USP50: variants seen among roughly 807,000 people sequenced by gnomAD.
USP50 encodes ubiquitin specific peptidase 50.
USP50 carries 37 observed loss-of-function variants against 39.2 expected under a neutral mutation model. That is an observed-to-expected ratio of 0.94 (90% confidence interval 0.73 to 1.24). USP50 has a LOEUF of 1.24. Among genes scored for constraint, USP50 ranks in the 50% most tolerant of loss-of-function variants. The pLI is 0.00. For missense variants in USP50, 374 were observed against 398.2 expected, an observed-to-expected ratio of 0.94 and a Z score of 0.52; for synonymous variants, 139 against 144.5, an observed-to-expected ratio of 0.96 and a Z score of 0.27.
At chr15:50,530,411 G>A (rs887268281) in intron 5 of USP50, among the ~76,000 whole-genome samples, 8 of 151,878 alleles carry the variant, frequency 5.3e-5, no homozygotes, top group East Asian at 3.9e-4. Flanking sequence ...GTGAAACCTC[G>A]TCTCTACTAA....
chr15:50,515,236 T>TTTG (rs1175969992), intron 6 of USP50, among the ~76,000 whole-genome samples: 5 of 151,552 alleles, frequency 3.3e-5, no homozygotes, highest in African/African-American at 7.3e-5. Context: ...AGGCTTGTGT[T>TTTG]TTGTTGTTGT....
At chr15:50,493,629 C>T, downstream of USP50, 1 of 396,108 alleles carries the variant, frequency 2.5e-6, no homozygotes, top group South Asian at 1.9e-5. Flanking sequence ...CCTATAGTCC[C>T]TGCTACTTGG....
intron 6 of USP50, among the ~76,000 whole-genome samples, chr15:50,527,046 A>G (rs1009014545): frequency 6.6e-6 from 1 of 152,212 alleles, no homozygotes; most frequent in African/African-American, 2.4e-5. Flanking sequence ...GGGCTCATGC[A>G]AAGGCTGGAT....
chr15:50,496,055 C>G (rs907522267), downstream of USP50: 1 of 1,613,006 alleles, frequency 6.2e-7, no homozygotes, highest in South Asian at 1.1e-5. Flanking sequence ...GTCTCTACCA[C>G]TAGCATCCAC....
At chr15:50,512,637 T>C (rs1187104522) in intron 6 of USP50, 1 of 151,648 alleles carries the variant, frequency 6.6e-6, no homozygotes, top group East Asian at 1.9e-4. Flanking sequence ...TAAAAATATT[T>C]TTAAAAATTA....
chr15:50,532,238 G>A, intron 5 of USP50: 1 of 456,254 alleles, frequency 2.2e-6, no homozygotes. Context: ...CTGGCAAGAA[G>A]AAGGGAAAGA....
downstream of USP50, chr15:50,495,892 C>G: frequency 1.2e-6 from 2 of 1,613,752 alleles, no homozygotes; most frequent in Non-Finnish European, 1.7e-6. Context: ...ATGATCATCT[C>G]GATGACTTTA....
chr15:50,540,133 A>C (rs142518275), intron 4 of USP50, among the ~76,000 whole-genome samples: 249 of 152,316 alleles, frequency 1.6e-3, no homozygotes, highest in African/African-American at 5.8e-3. Flanking sequence ...GTAAATTTGC[A>C]TAATTCTGCA....
downstream of USP50, chr15:50,496,172 C>G (rs2052393488): frequency 8.9e-7 from 1 of 1,120,122 alleles, no homozygotes; most frequent in Non-Finnish European, 1.3e-6. Context: ...GGTCTTTACC[C>G]TTACAAACAT....
At chr15:50,525,390 C>G (rs1378976197) in intron 6 of USP50, among the ~76,000 whole-genome samples, 1 of 151,436 alleles carries the variant, frequency 6.6e-6, no homozygotes, top group Non-Finnish European at 1.5e-5. Context: ...AATAGCTGAG[C>G]AAATTTCAAA....
In USP50 at chr15:50,504,881, C is replaced by G. The variant is rs968445743; in HGVS notation, c.937-4044G>C. 1.3e-5 allele frequency: 2 copies of G among 151,716 alleles called. 1 individual carries two copies. Among genetic ancestry groups the G allele is most frequent in the Middle Eastern group, 6.3e-3 (2 of 318 alleles). 9.4% of individuals were successfully genotyped at this position (151,716 alleles called of 1,614,324 possible). A position where few individuals can be genotyped will look rare whatever the true frequency, so the allele number is the denominator to read the frequency against. The stretch of plus-strand genomic sequence containing the variant: ...CCTGTAATCCCAGCTACTTGAGAGG[C>G]TGAAGCAGGAGAATCGCTTGAACCC... On this transcript the variant is annotated intron_variant, in intron 6 of 6. Coordinates refer to ENST00000532404, the MANE Select transcript of USP50 (RefSeq NM_203494.5).
chr15:50,511,515 A>G (rs1249773807), intron 6 of USP50: 1 of 152,252 alleles, frequency 6.6e-6, no homozygotes, highest in Non-Finnish European at 1.5e-5. Flanking sequence ...AAGTGGAAAC[A>G]AGCCAAATGT....
chr15:50,502,015 T>G (rs1217821752), intron 6 of USP50: 1 of 152,232 alleles, frequency 6.6e-6, no homozygotes. Flanking sequence ...CAATACCATA[T>G]GGCTTATGAG....
At chr15:50,495,494 G>A (rs1255947496) in intron 1 of USP50, among the ~76,000 whole-genome samples, 1 of 147,100 alleles carries the variant, frequency 6.8e-6, no homozygotes, top group African/African-American at 2.6e-5. Flanking sequence ...GGAGGGGGGG[G>A]TCTCACTATG....
At chr15:50,544,917 A>ACAGGAAGTATTGGAACTTGGAGT (rs1355358659) in intron 1 of USP50, 136 bp from the exon 2 acceptor site, 9 of 876,670 alleles carry the variant, frequency 1.0e-5, no homozygotes, top group Non-Finnish European at 1.3e-5. Context: ...CCTACCAAGG[A>ACAGGAAGTATTGGAACTTGGAGT]CAGGAAGTAT....
chr15:50,503,974 A>T (rs1438096386), intron 6 of USP50: 2 of 152,240 alleles, frequency 1.3e-5, no homozygotes, highest in Non-Finnish European at 2.9e-5. Context: ...GAAGAAGGAA[A>T]CAAACTTTAG....
At chr15:50,498,590 C>A, downstream of USP50, 1 of 1,603,856 alleles carries the variant, frequency 6.2e-7, no homozygotes. Flanking sequence ...ATGTTTTGTT[C>A]TGCAGTTTTT....
At chr15:50,526,085 G>T (rs1458698439) in intron 6 of USP50, among the ~76,000 whole-genome samples, 2 of 152,032 alleles carry the variant, frequency 1.3e-5, no homozygotes, top group African/African-American at 2.4e-5. Context: ...TTTAGGCAGG[G>T]TTTCTCTCTG....
chr15:50,502,724 C>G (rs2052608922), intron 6 of USP50: 1 of 152,254 alleles, frequency 6.6e-6, no homozygotes, highest in South Asian at 2.1e-4. Flanking sequence ...ACATGAATTC[C>G]TAGGCACAAG....
Sources: gnomAD v4.1 joint callset for allele counts (sites outside exome capture counted in the v4.1 genomes callset) on GRCh38, gnomAD v4.1.1 for gene constraint, MANE v1.5 for transcripts, NCBI Gene and HGNC (gene_info 2026-07-23, HGNC 2026-07-21) for gene names.